The following SDHAF2 variants were observed in gnomAD, a reference collection of about 807,000 sequenced individuals.
The protein encoded by SDHAF2 is succinate dehydrogenase assembly factor 2, mitochondrial.
Under a neutral mutation model 18.5 loss-of-function variants are expected in SDHAF2, and 21 were observed. The ratio of observed to expected loss-of-function variants is 1.13; its 90% CI spans 0.80 to 1.63. The LOEUF (loss-of-function observed/expected upper bound fraction) is 1.63. Among genes scored for constraint, SDHAF2 ranks in the 40% most tolerant of loss-of-function variants. SDHAF2 has a pLI of 0.00. For missense variants in SDHAF2, 195 were observed against 200.3 expected, an observed-to-expected ratio of 0.97 and a Z score of 0.16; for synonymous variants, 84 against 70.7, an observed-to-expected ratio of 1.19 and a Z score of -0.94.
At chr11:61,440,824 T>G (rs1862057321) in intron 3 of SDHAF2, among the ~76,000 whole-genome samples, 1 of 152,186 alleles carries the variant, frequency 6.6e-6, no homozygotes, top group South Asian at 2.1e-4. Context: ...AATAAAACCT[T>G]ATTTGTGGAC....
At position 61,436,797 on chromosome 11, in the gene SDHAF2, C is replaced by A. The variant is rs765238585; in HGVS notation, c.37-828C>A. The A allele has an allele frequency of 2.0e-5, 20 of 997,480 alleles. No homozygotes were observed. In the South Asian group the frequency reaches 2.5e-4, roughly 13 times the overall value. 61.8% of individuals were successfully genotyped at this position (997,480 alleles called of 1,614,324 possible). A position where few individuals can be genotyped will look rare whatever the true frequency, so the allele number is the denominator to read the frequency against. ...GTTTGTTGCTGTTGGCTCAGTGTCT[C>A]CATCGGGGAAGGAGGATCTGGGGTT... On this transcript the variant is annotated intron_variant, in intron 1 of 3. Transcript: ENST00000301761.
At chr11:61,442,108 G>T (rs1862074410) in intron 3 of SDHAF2, among the ~76,000 whole-genome samples, 1 of 152,022 alleles carries the variant, frequency 6.6e-6, no homozygotes, top group African/African-American at 2.4e-5. Context: ...GCCCAGACTG[G>T]TCTCAAACTC....
At chr11:61,445,030 C>T (rs1862121626) in intron 3 of SDHAF2, among the ~76,000 whole-genome samples, 1 of 152,120 alleles carries the variant, frequency 6.6e-6, no homozygotes, top group African/African-American at 2.4e-5. Context: ...GCCAAAACCT[C>T]TTTGATCTTA....
intron 1 of SDHAF2, chr11:61,434,535 G>T: frequency 6.8e-6 from 1 of 147,004 alleles, no homozygotes; most frequent in African/African-American, 2.6e-5. Flanking sequence ...CTCTCATAAT[G>T]TGTATATTGA....
At chr11:61,441,141 C>CCATCTGCATTCAATCAATGAAAT (rs1862060693) in intron 3 of SDHAF2, among the ~76,000 whole-genome samples, 5 of 152,176 alleles carry the variant, frequency 3.3e-5, no homozygotes, top group Admixed American at 3.3e-4. Context: ...CCTATGATCA[C>CCATCTGCATTCAATCAATGAAAT]GCCACTGCAT....
chr11:61,433,068 C>G (rs1217795056), intron 1 of SDHAF2: 3 of 146,688 alleles, frequency 2.0e-5, no homozygotes, highest in Non-Finnish European at 4.5e-5. Context: ...GAGACGGAGT[C>G]TCGCTCTGTT....
intron 1 of SDHAF2, chr11:61,432,628 T>C (rs1160796408): frequency 6.6e-6 from 1 of 152,222 alleles, no homozygotes; most frequent in East Asian, 1.9e-4. Context: ...TTTTGTAAAC[T>C]GTTCTCTGTC....
chr11:61,430,448 C>T, intron 1 of SDHAF2: 1 of 552,522 alleles, frequency 1.8e-6, no homozygotes, highest in East Asian at 3.0e-5. Flanking sequence ...ACGTCCCAGG[C>T]GGGATTAGCC....
intron 1 of SDHAF2, chr11:61,432,457 A>G (rs1861945144): frequency 6.6e-6 from 1 of 152,206 alleles, no homozygotes; most frequent in African/African-American, 2.4e-5. Context: ...TGTCAAGGCT[A>G]TGTATATGCT....
intron 3 of SDHAF2, among the ~76,000 whole-genome samples, chr11:61,445,029 T>C (rs1020437630): frequency 6.6e-6 from 1 of 152,186 alleles, no homozygotes; most frequent in Non-Finnish European, 1.5e-5. Flanking sequence ...AGCCAAAACC[T>C]CTTTGATCTT....
intron 1 of SDHAF2, chr11:61,437,064 G>A (rs1862002542): frequency 1.7e-6 from 2 of 1,166,642 alleles, no homozygotes; most frequent in East Asian, 6.2e-5. Flanking sequence ...ACTGGTTAGG[G>A]ACACATTTGC....
chr11:61,436,935 C>T, intron 1 of SDHAF2: 1 of 1,275,288 alleles, frequency 7.8e-7, no homozygotes, highest in Non-Finnish European at 1.0e-6. Context: ...ATCATGCTGT[C>T]TCTGTGTGCT....
chr11:61,445,808 T>G, intron 3 of SDHAF2, 133 bp from the exon 4 acceptor site: 1 of 1,077,610 alleles, frequency 9.3e-7, no homozygotes, highest in Non-Finnish European at 1.4e-6. Flanking sequence ...ACATCGTGTA[T>G]ATTTAGAAGA....
intron 2 of SDHAF2, 24 bp downstream of exon 2, chr11:61,437,872 T>C: frequency 6.2e-7 from 1 of 1,606,372 alleles, no homozygotes; most frequent in Non-Finnish European, 8.5e-7. Flanking sequence ...AGTCTTTTTT[T>C]TTAAATCGGG....
At chr11:61,441,910 A>AG (rs1862071855) in intron 3 of SDHAF2, among the ~76,000 whole-genome samples, 3 of 138,930 alleles carry the variant, frequency 2.2e-5, no homozygotes, top group African/African-American at 7.9e-5. Context: ...TTGAGACAGG[A>AG]TCTCACTCTG....
chr11:61,433,340 C>T (rs1861958034), intron 1 of SDHAF2: 1 of 152,158 alleles, frequency 6.6e-6, no homozygotes, highest in Non-Finnish European at 1.5e-5. Flanking sequence ...ACCCGGCCTC[C>T]AGTGATAATT....
At chr11:61,430,461 A>T in intron 1 of SDHAF2, 1 of 541,286 alleles carries the variant, frequency 1.8e-6, no homozygotes, top group Non-Finnish European at 3.3e-6. Context: ...GATTAGCCCA[A>T]CTTCCCTGGG....
In SDHAF2 at chr11:61,430,484, C is replaced by T. The variant is rs970141834; in HGVS notation, c.36+302C>T. 1.1e-5 allele frequency: 6 copies of T among 523,268 alleles called. No individual in the cohort carries two copies. The Admixed American group carries it at 2.1e-4, about 18-fold the overall frequency. 32.4% of individuals were successfully genotyped at this position (523,268 alleles called of 1,614,324 possible). A position where few individuals can be genotyped will look rare whatever the true frequency, so the allele number is the denominator to read the frequency against. Reference sequence around the variant, plus strand: ...CAACTTCCCTGGGCTCCCCTTCTCCCCGTTCTTTAGTCTTTAATGCTTTTC... The same window carrying T: ...CAACTTCCCTGGGCTCCCCTTCTCCTCGTTCTTTAGTCTTTAATGCTTTTC... On this transcript the variant is annotated intron_variant, in intron 1 of 3. Coordinates refer to ENST00000301761, the MANE Select transcript of SDHAF2 (RefSeq NM_017841.4).
intron 1 of SDHAF2, chr11:61,435,591 G>A (rs1861982813): frequency 6.6e-6 from 1 of 152,210 alleles, no homozygotes; most frequent in African/African-American, 2.4e-5. Context: ...CTGAGGATGT[G>A]TCTTTTCTGG....
Sources: allele counts gnomAD v4.1 joint callset (sites outside exome capture counted in the v4.1 genomes callset), GRCh38; gene constraint gnomAD v4.1.1; transcripts MANE v1.5; gene names NCBI Gene and HGNC (gene_info 2026-07-23, HGNC 2026-07-21).